Variants in LRCH1 observed in about 807,000 individuals in gnomAD.
The protein encoded by LRCH1 is leucine-rich repeat and calponin homology domain-containing protein 1.
LRCH1 carries 23 observed loss-of-function variants against 94.9 expected under a neutral mutation model. The observed-to-expected ratio is 0.24, with a 90% confidence interval of 0.17 to 0.34. The LOEUF is 0.34. Ranked by LOEUF, LRCH1 falls within the 10% of genes least tolerant of loss-of-function variation. The pLI is 1.00. For synonymous variants in LRCH1, 364 were observed against 354.9 expected (o/e 1.03, Z -0.29); for missense variants, 790 against 945.9 (o/e 0.84, Z 2.16).
chr13:46,666,280 T>G (rs2051514610), intron 2 of LRCH1, among the ~76,000 whole-genome samples: 1 of 152,250 alleles, frequency 6.6e-6, no homozygotes, highest in South Asian at 2.1e-4. Context: ...TTTCACAAGC[T>G]TAAATTTTAT....
chr13:46,649,622 G>A lies in LRCH1; in HGVS notation c.308-579G>A, dbSNP rs574625760. On this transcript the variant is annotated intron_variant, in intron 1 of 19. Transcript: ENST00000389797. The stretch of plus-strand genomic sequence containing the variant: ...GTAATTCTAGTGAGTAAAGTACTTG[G>A]TTATTGTCTGTTATGGGTTCATTTG... Among the ~76,000 whole-genome samples, 41 of 152,070 alleles carry A rather than the reference G, an allele frequency of 2.7e-4. No individual in the cohort carries two copies. The South Asian group carries it at 8.3e-3, about 31-fold the overall frequency.
intron 11 of LRCH1, among the ~76,000 whole-genome samples, 196 bp from the exon 12 acceptor site, chr13:46,704,872 G>A (rs1274340793): frequency 6.6e-6 from 1 of 151,880 alleles, no homozygotes; most frequent in Non-Finnish European, 1.5e-5. Flanking sequence ...AATAGCAGAT[G>A]GAATATTATA....
At chr13:46,729,608 G>T (rs1212493452) in intron 18 of LRCH1, among the ~76,000 whole-genome samples, 1 of 151,256 alleles carries the variant, frequency 6.6e-6, no homozygotes, top group African/African-American at 2.4e-5. Context: ...TGATGATCAA[G>T]GTGCTAACTT....
At chr13:46,658,948 A>G (rs1383940563) in intron 2 of LRCH1, among the ~76,000 whole-genome samples, 2 of 152,208 alleles carry the variant, frequency 1.3e-5, no homozygotes, top group Non-Finnish European at 2.9e-5. Flanking sequence ...AAAACAATAT[A>G]TGTTTTCTAA....
At chr13:46,579,355 A>G (rs1477366066) in intron 1 of LRCH1, among the ~76,000 whole-genome samples, 2 of 152,128 alleles carry the variant, frequency 1.3e-5, no homozygotes, top group Non-Finnish European at 2.9e-5. Flanking sequence ...AAAGTGTACC[A>G]TCTCAGAACT....
chr13:46,733,639 T>C (rs1873222507), intron 18 of LRCH1, among the ~76,000 whole-genome samples: 1 of 152,140 alleles, frequency 6.6e-6, no homozygotes, highest in Non-Finnish European at 1.5e-5. Context: ...ATACATGATA[T>C]ACAAACATCT....
chr13:46,732,534 T>C (rs555977222), intron 18 of LRCH1, among the ~76,000 whole-genome samples: 1 of 152,308 alleles, frequency 6.6e-6, no homozygotes, highest in Non-Finnish European at 1.5e-5. Context: ...TTAACTTCTT[T>C]GGGGCTGACC....
intron 3 of LRCH1, 68 bp from the exon 4 acceptor site, chr13:46,681,673 A>G: frequency 9.3e-7 from 1 of 1,071,122 alleles, no homozygotes; most frequent in Non-Finnish European, 1.5e-6. Flanking sequence ...CCTTAAGGAG[A>G]TTTCACATGA....
intron 1 of LRCH1, among the ~76,000 whole-genome samples, chr13:46,572,909 C>T (rs1178102097): frequency 6.6e-6 from 1 of 152,066 alleles, no homozygotes; most frequent in Non-Finnish European, 1.5e-5. Flanking sequence ...CTTGCAACCA[C>T]GTTGCCTGGG....
At position 46,711,750 on chromosome 13, in the gene LRCH1, A is replaced by G. The variant is rs776552290; in HGVS notation, c.1528-41A>G. On this transcript the variant is annotated intron_variant, in intron 13 of 19. Transcript: ENST00000389797. ...GAATTTCTTGCCTCAACAGTTTCACAGTCTAATGGAACATACCATGCTTTG... is the reference window on the plus strand; with the variant it reads ...GAATTTCTTGCCTCAACAGTTTCACGGTCTAATGGAACATACCATGCTTTG... 4.6e-6 allele frequency: 7 copies of G among 1,522,866 alleles called. No homozygotes were observed. In the South Asian group the frequency reaches 6.9e-5, roughly 15 times the overall value. The allele number at this position is 1,522,866 out of a possible 1,614,324, so 94.3% of individuals were successfully genotyped here. A position where few individuals can be genotyped will look rare whatever the true frequency, so the allele number is the denominator to read the frequency against.
intron 1 of LRCH1, among the ~76,000 whole-genome samples, chr13:46,579,060 C>T (rs912300633): frequency 3.3e-5 from 5 of 152,082 alleles, no homozygotes; most frequent in African/African-American, 1.2e-4. Context: ...TAGAGGGGCT[C>T]GCTGTGTGCA....
At chr13:46,702,345 T>C (rs1871523545) in intron 11 of LRCH1, among the ~76,000 whole-genome samples, 1 of 151,884 alleles carries the variant, frequency 6.6e-6, no homozygotes, top group Non-Finnish European at 1.5e-5. Flanking sequence ...GTACTAATAA[T>C]ACAAAAATTA....
In LRCH1 at chr13:46,740,002, G is replaced by A. The variant is rs539415683; in HGVS notation, c.2086-1640G>A. 9.6e-4 allele frequency among the ~76,000 whole-genome samples: 146 copies of A among 152,312 alleles called. 1 individual carries two copies. Among genetic ancestry groups the A allele is most frequent in the Non-Finnish European group, 1.6e-3 (107 of 68,022 alleles). ...TGTATTGAAATACTTGGTGAAGATAGAATCATCTGCTTTTAACATGAAAAT... is the reference window on the plus strand; with the variant it reads ...TGTATTGAAATACTTGGTGAAGATAAAATCATCTGCTTTTAACATGAAAAT... On this transcript the variant is annotated intron_variant, in intron 19 of 19. Transcript: ENST00000389797.
intron 1 of LRCH1, among the ~76,000 whole-genome samples, chr13:46,647,338 A>C (rs2051235148): frequency 6.6e-6 from 1 of 151,988 alleles, no homozygotes; most frequent in Non-Finnish European, 1.5e-5. Context: ...ATACTATCCC[A>C]TTTAGTTGTA....
At chr13:46,739,557 A>C (rs1157424911) in intron 19 of LRCH1, among the ~76,000 whole-genome samples, 1 of 152,126 alleles carries the variant, frequency 6.6e-6, no homozygotes, top group Non-Finnish European at 1.5e-5. Context: ...AGAAATTAGG[A>C]ATTTTAGCCC....
chr13:46,603,892 A>G (rs1250817438), intron 1 of LRCH1, among the ~76,000 whole-genome samples: 1 of 152,194 alleles, frequency 6.6e-6, no homozygotes, highest in Admixed American at 6.5e-5. Context: ...CCTGGCCTCA[A>G]GCAATCCTCC....
At chr13:46,554,570 C>T (rs2050042305) in intron 1 of LRCH1, among the ~76,000 whole-genome samples, 2 of 152,204 alleles carry the variant, frequency 1.3e-5, no homozygotes, top group African/African-American at 4.8e-5. Flanking sequence ...TTGTAACTCG[C>T]GCCAATAAGC....
intron 1 of LRCH1, among the ~76,000 whole-genome samples, chr13:46,587,292 C>T (rs1368150481): frequency 2.6e-5 from 4 of 152,280 alleles, no homozygotes; most frequent in South Asian, 2.1e-4. Context: ...GAATGGCATA[C>T]GTTGTATGCC....
At chr13:46,636,106 G>A (rs993068078) in intron 1 of LRCH1, among the ~76,000 whole-genome samples, 22 of 108,428 alleles carry the variant, frequency 2.0e-4, no homozygotes, top group Non-Finnish European at 5.0e-5. Context: ...GTCTCGCTCT[G>A]TCACCCAGCC....
Sources: allele counts gnomAD v4.1 joint callset (sites outside exome capture counted in the v4.1 genomes callset), GRCh38; gene constraint gnomAD v4.1.1; transcripts MANE v1.5; gene names NCBI Gene and HGNC (gene_info 2026-07-23, HGNC 2026-07-21).